The following NRG4 variants were observed in gnomAD, a reference collection of about 807,000 sequenced individuals.
NRG4 encodes the protein pro-neuregulin-4, membrane-bound isoform.
Under a neutral mutation model 15.0 loss-of-function variants are expected in NRG4, and 10 were observed. That is an observed-to-expected ratio of 0.67 (90% CI 0.41 to 1.13). NRG4 has a LOEUF of 1.13. NRG4 is among the 50% of genes most tolerant of loss of function. The pLI is 0.00. For missense variants in NRG4, 139 were observed against 140.2 expected (o/e 0.99, Z 0.04); for synonymous variants, 41 against 50.1 (o/e 0.82, Z 0.77).
chr15:76,041,203 A>G (rs1234795001), intron 4 of NRG4, among the ~76,000 whole-genome samples: 1 of 152,178 alleles, frequency 6.6e-6, no homozygotes, highest in Non-Finnish European at 1.5e-5. Flanking sequence ...ATACCACCAG[A>G]GAAAATCACC....
chr15:75,943,770 G>GTGA (rs149841455), intron 5 of NRG4, 116 bp from the exon 6 acceptor site: 15,160 of 680,396 alleles, frequency 0.022, 329 homozygotes, highest in African/African-American at 0.081. Context: ...CCTTCTGTTT[G>GTGA]TGATAGGATG....
At chr15:75,937,577 A>AAG (rs2030500205), downstream of NRG4, 1 of 152,114 alleles carries the variant, frequency 6.6e-6, no homozygotes, top group Admixed American at 6.5e-5. Context: ...AAAACAGTCA[A>AAG]AGGTTTACAG....
intron 4 of NRG4, among the ~76,000 whole-genome samples, chr15:76,050,119 G>C (rs79562247): frequency 0.016 from 2,362 of 150,830 alleles, 209 homozygotes; most frequent in African/African-American, 0.055. Context: ...GTTAGCCTTA[G>C]ACATAAATAA....
intron 3 of NRG4, among the ~76,000 whole-genome samples, chr15:76,003,237 A>G (rs2034477094): frequency 6.6e-6 from 1 of 152,182 alleles, no homozygotes. Context: ...AAAACTTTCA[A>G]AGGATATTAG....
downstream of NRG4, chr15:75,940,430 A>G (rs1257720259): frequency 6.6e-6 from 1 of 151,820 alleles, no homozygotes; most frequent in Non-Finnish European, 1.5e-5. Context: ...CAGATTCACT[A>G]CAGTCTCTAT....
intron 5 of NRG4, among the ~76,000 whole-genome samples, chr15:76,020,214 G>T (rs946323728): frequency 6.6e-6 from 1 of 152,184 alleles, no homozygotes; most frequent in South Asian, 2.1e-4. Flanking sequence ...TCTATTCCCT[G>T]AGACACAACA....
intron 4 of NRG4, among the ~76,000 whole-genome samples, chr15:76,040,184 A>G (rs1353951888): frequency 6.6e-6 from 1 of 152,210 alleles, no homozygotes; most frequent in South Asian, 2.1e-4. Flanking sequence ...AAAGAAACAA[A>G]TAACATACAA....
intron 5 of NRG4, among the ~76,000 whole-genome samples, chr15:76,021,249 A>C (rs1036121995): frequency 2.6e-5 from 4 of 152,230 alleles, no homozygotes; most frequent in Non-Finnish European, 4.4e-5. Flanking sequence ...TAAATATCTT[A>C]AGTCCACTGT....
At chr15:76,048,407 G>A (rs1407884102) in intron 4 of NRG4, among the ~76,000 whole-genome samples, 4 of 147,168 alleles carry the variant, frequency 2.7e-5, no homozygotes, top group Non-Finnish European at 4.5e-5. Context: ...AGGAGGCAGA[G>A]GTTGCAGCAA....
intron 5 of NRG4, among the ~76,000 whole-genome samples, chr15:76,018,228 A>G (rs1429767191): frequency 6.6e-6 from 1 of 152,092 alleles, no homozygotes; most frequent in Non-Finnish European, 1.5e-5. Context: ...TAATTCCTCT[A>G]ACCTTTTTTC....
Position 75,962,439 on chromosome 15 carries a change from T to C in NRG4, c.105-465A>G, listed in dbSNP as rs530107802. Among the ~76,000 whole-genome samples the C allele has an allele frequency of 5.7e-4, 87 of 152,348 alleles. 1 individual carries two copies. The highest frequency in any genetic ancestry group is 1.0e-3 in the Non-Finnish European group (68 of 68,008). On this transcript the variant is annotated intron_variant, in intron 3 of 5. Transcript: ENST00000394907. ...GGCCTCCTTTAACATATGTCAGATTTATATAAATAACAGCATTTATTTCTA... is the reference window on the plus strand; with the variant it reads ...GGCCTCCTTTAACATATGTCAGATTCATATAAATAACAGCATTTATTTCTA...
chr15:75,972,471 T>C (rs878859132), intron 3 of NRG4, among the ~76,000 whole-genome samples: 3 of 152,252 alleles, frequency 2.0e-5, no homozygotes, highest in Non-Finnish European at 4.4e-5. Flanking sequence ...TGGTATTGCC[T>C]AGGTTTTCTT....
chr15:75,955,975 A>G lies in NRG4; in HGVS notation c.288T>C (p.Tyr96=), dbSNP rs372896755. Residue 96 remains tyrosine, a synonymous_variant, in exon 5 of 6, where the codon TAT becomes TAC. Transcript: ENST00000394907. The part of the protein sequence containing the change: ...GHFQRASSVQ[Y]DINLVETSST... ...TGCTCGTCTCTACCAGGTTGATATCATACTGGACTGAACTGGCTCTCTGAA... is the reference window on the plus strand; with the variant it reads ...TGCTCGTCTCTACCAGGTTGATATCGTACTGGACTGAACTGGCTCTCTGAA... 6.2e-7 allele frequency: 1 copy of G among 1,612,210 alleles called. No homozygotes were observed. The highest frequency in any genetic ancestry group is 8.5e-7 in the Non-Finnish European group (1 of 1,178,286).
At position 75,943,585 on chromosome 15, in the gene NRG4, AT is replaced by A; in HGVS notation, c.*52del. The stretch of plus-strand genomic sequence containing the variant: ...TAATTCTTTTACCTAGTGGTGTTTC[AT>A]TTTCTGCCTTTGTAAAATAAAAACA... On this transcript the variant is annotated 3_prime_UTR_variant, in exon 6 of 6. Transcript: ENST00000394907. The A allele has an allele frequency of 8.2e-7, 1 of 1,220,806 alleles. No individual in the cohort carries two copies. Among genetic ancestry groups the A allele is most frequent in the Non-Finnish European group, 1.2e-6 (1 of 829,354 alleles). The allele number at this position is 1,220,806 out of a possible 1,614,324, so 75.6% of individuals were successfully genotyped here. A position where few individuals can be genotyped will look rare whatever the true frequency, so the allele number is the denominator to read the frequency against.
chr15:76,033,898 T>G (rs2035536561), intron 5 of NRG4, among the ~76,000 whole-genome samples: 1 of 152,236 alleles, frequency 6.6e-6, no homozygotes, highest in African/African-American at 2.4e-5. Context: ...GCAATAAGTT[T>G]TAAAAATCTA....
upstream of NRG4, among the ~76,000 whole-genome samples, chr15:76,013,258 C>G (rs957754543): frequency 6.6e-6 from 1 of 151,728 alleles, no homozygotes; most frequent in Non-Finnish European, 1.5e-5. Context: ...ACCCGGGAGG[C>G]GGAGCTTGCA....
chr15:75,961,884 A>G lies in NRG4; in HGVS notation c.195T>C (p.Phe65=), dbSNP rs1467929194. The change falls in exon 4 of 6, where the codon TTT becomes TTC. Residue 65 remains phenylalanine (F), a synonymous_variant. Coordinates refer to ENST00000394907, the MANE Select transcript of NRG4 (RefSeq NM_138573.4). ...IQTKSNLFEA[F]VALAVLVTLI... ...GTGTTACTAGGACCGCCAATGCCACAAAAGCTTCAAACAGGTTACTTTTAG... is the reference window on the plus strand; with the variant it reads ...GTGTTACTAGGACCGCCAATGCCACGAAAGCTTCAAACAGGTTACTTTTAG... 1 of 1,613,796 alleles carries G rather than the reference A, an allele frequency of 6.2e-7. No homozygotes were observed. The highest frequency in any genetic ancestry group is 8.5e-7 in the Non-Finnish European group (1 of 1,179,676).
chr15:75,980,886 A>G (rs1401404566), intron 3 of NRG4, among the ~76,000 whole-genome samples: 1 of 152,212 alleles, frequency 6.6e-6, no homozygotes, highest in Admixed American at 6.5e-5. Flanking sequence ...TTAGAGTGAT[A>G]AAATAATTCC....
At chr15:75,981,595 G>C (rs1381969806) in intron 3 of NRG4, among the ~76,000 whole-genome samples, 2 of 152,158 alleles carry the variant, frequency 1.3e-5, no homozygotes, top group South Asian at 2.1e-4. Context: ...AGTAGCAGCT[G>C]CAAGTACAAT....
Sources: gnomAD v4.1 joint callset for allele counts (sites outside exome capture counted in the v4.1 genomes callset) on GRCh38, gnomAD v4.1.1 for gene constraint, MANE v1.5 for transcripts, NCBI Gene and HGNC (gene_info 2026-07-23, HGNC 2026-07-21) for gene names.